The following ENTPD5 variants were observed in gnomAD, a reference collection of about 807,000 sequenced individuals.
ENTPD5 encodes the protein nucleoside diphosphate phosphatase ENTPD5.
ENTPD5 carries 49 observed loss-of-function variants against 60.2 expected under a neutral mutation model. The ratio of observed to expected loss-of-function variants is 0.81; its 90% confidence interval spans 0.65 to 1.03. The LOEUF is 1.03. Among genes scored for constraint, ENTPD5 ranks in the 50% least tolerant of loss-of-function variants. ENTPD5 has a pLI of 0.00. For synonymous variants in ENTPD5, 187 were observed against 185.4 expected (o/e 1.01, Z -0.07); for missense variants, 480 against 507.6 (o/e 0.95, Z 0.52).
downstream of ENTPD5, chr14:73,955,813 C>T (rs754858126): frequency 1.6e-4 from 264 of 1,614,052 alleles, 1 homozygote; most frequent in East Asian, 2.6e-3. Context: ...AGGTGTGGGA[C>T]GCCTGCTCAG....
At chr14:74,016,685 ATAAC>A (rs1310468387) in intron 1 of ENTPD5, among the ~76,000 whole-genome samples, 3 of 152,224 alleles carry the variant, frequency 2.0e-5, no homozygotes, top group Admixed American at 2.0e-4. Context: ...ATAAAGTACT[ATAAC>A]TAAGGTACTA....
chr14:73,958,808 G>T, downstream of ENTPD5: 4 of 1,522,190 alleles, frequency 2.6e-6, no homozygotes, highest in Non-Finnish European at 2.6e-6. Context: ...TGATGTGACA[G>T]TGCAGGGGCT....
intron 5 of ENTPD5, among the ~76,000 whole-genome samples, chr14:73,983,733 A>G (rs1387047572): frequency 6.7e-6 from 1 of 150,196 alleles, no homozygotes; most frequent in Non-Finnish European, 1.5e-5. Context: ...CCCAGGCTGG[A>G]GTGCAGTGGC....
chr14:73,986,907 G>A lies in ENTPD5; in HGVS notation c.218-14C>T. 6.2e-7 allele frequency: 1 copy of A among 1,605,756 alleles called. No homozygotes were observed. Among genetic ancestry groups the A allele is most frequent in the South Asian group, 1.1e-5 (1 of 90,902 alleles). On this transcript the variant is annotated splice_polypyrimidine_tract_variant and intron_variant, in intron 4 of 15. Transcript: ENST00000334696. ...TTGGAAGCTGTCCTATTTTGTCCAT[G>A]GAACAAAACAGAAGAGAGAGCTGGT...
chr14:73,955,773 T>A, downstream of ENTPD5: 1 of 1,614,164 alleles, frequency 6.2e-7, no homozygotes, highest in Non-Finnish European at 8.5e-7. Context: ...TCCCTCTTGG[T>A]TTTAATGCAG....
chr14:73,969,896 C>A, intron 15 of ENTPD5, 114 bp downstream of exon 15: 1 of 764,968 alleles, frequency 1.3e-6, no homozygotes, highest in Non-Finnish European at 2.3e-6. Context: ...ATAGCCCAAA[C>A]AAAAATACCT....
chr14:74,004,435 T>A (rs573319660), intron 3 of ENTPD5, among the ~76,000 whole-genome samples: 13 of 152,302 alleles, frequency 8.5e-5, no homozygotes, highest in African/African-American at 3.1e-4. Flanking sequence ...AGTGCTGAGA[T>A]TACAGGTGTG....
chr14:73,981,861 T>C (rs1372453139), intron 6 of ENTPD5, among the ~76,000 whole-genome samples: 2 of 151,836 alleles, frequency 1.3e-5, no homozygotes, highest in Middle Eastern at 3.4e-3. Flanking sequence ...TCAAAAACTT[T>C]ATGCTGAGAG....
chr14:73,998,991 T>C (rs2058422729), intron 3 of ENTPD5, among the ~76,000 whole-genome samples: 1 of 152,058 alleles, frequency 6.6e-6, no homozygotes, highest in South Asian at 2.1e-4. Context: ...ACGAATCTGG[T>C]AGTTACATGT....
downstream of ENTPD5, among the ~76,000 whole-genome samples, chr14:73,956,998 C>T (rs543978649): frequency 1.3e-5 from 2 of 152,226 alleles, no homozygotes; most frequent in African/African-American, 4.8e-5. Flanking sequence ...TACACCAAAG[C>T]TGTAATTGCA....
rs1189830746 is a variant in ENTPD5, at chr14:73,989,939, T to C, written c.-70-1767A>G. On this transcript the variant is annotated intron_variant, in intron 3 of 15. Coordinates refer to ENST00000334696, the MANE Select transcript of ENTPD5 (RefSeq NM_001249.5). Reference sequence around the variant, plus strand: ...GGAGAACCACTTGAACCTGGGAAGCTAAGGTTCCAGTGAGCAGACATCGCC... The same window carrying C: ...GGAGAACCACTTGAACCTGGGAAGCCAAGGTTCCAGTGAGCAGACATCGCC... 3.3e-5 allele frequency among the ~76,000 whole-genome samples: 5 copies of C among 150,912 alleles called. No homozygotes were observed. The East Asian group carries it at 9.8e-4, about 29-fold the overall frequency.
chr14:73,980,409 G>A (rs62006136), intron 6 of ENTPD5, among the ~76,000 whole-genome samples: 47,715 of 150,952 alleles, frequency 0.32, 9,076 homozygotes, highest in Non-Finnish European at 0.42. Context: ...ACCAACAGGC[G>A]TGAGCCACCA....
At chr14:73,960,823 G>A, downstream of ENTPD5, 1 of 394,940 alleles carries the variant, frequency 2.5e-6, no homozygotes. Context: ...TTATCCTAAT[G>A]AAATAGAGAC....
chr14:73,974,895 C>G (rs2057373665), intron 11 of ENTPD5, 29 bp downstream of exon 11: 13 of 1,492,004 alleles, frequency 8.7e-6, no homozygotes, highest in Non-Finnish European at 1.1e-5. Context: ...CCCTCACCAT[C>G]CCCCCCCAGC....
chr14:73,977,861 T>C (rs2057509010), intron 6 of ENTPD5, among the ~76,000 whole-genome samples: 1 of 152,182 alleles, frequency 6.6e-6, no homozygotes, highest in African/African-American at 2.4e-5. Flanking sequence ...CTAGGGTCTC[T>C]AGAGCATGGG....
chr14:73,975,942 G>A lies in ENTPD5; in HGVS notation c.716C>T (p.Thr239Ile), dbSNP rs1210720706. ...EMFNSTYKLY[T>I]HSYLGFGLKA... ...TCCCTGTCCCCGTCCTCACCTATGT[G>A]TATAGAGCTTATAAGTGCTGTTAAA... Residue 239 changes from threonine (T) to isoleucine (I), a missense_variant, in exon 10 of 16, where the codon ACA (threonine) becomes ATA (isoleucine). By Grantham distance (89) the Thr-to-Ile change is moderately conservative. Coordinates refer to ENST00000334696, the MANE Select transcript of ENTPD5 (RefSeq NM_001249.5). 1.9e-6 allele frequency: 3 copies of A among 1,609,468 alleles called. No individual in the cohort carries two copies. The highest frequency in any genetic ancestry group is 1.1e-5 in the South Asian group (1 of 90,992).
intron 3 of ENTPD5, among the ~76,000 whole-genome samples, chr14:73,992,717 T>C (rs1407116005): frequency 6.8e-6 from 1 of 146,440 alleles, no homozygotes; most frequent in Non-Finnish European, 1.5e-5. Flanking sequence ...TTAAAGTTAA[T>C]TGCAGCTGGG....
chr14:73,958,313 A>G (rs963987226), downstream of ENTPD5: 2 of 1,613,014 alleles, frequency 1.2e-6, no homozygotes, highest in Admixed American at 1.7e-5. Flanking sequence ...GGGGTCTTGT[A>G]TATCTACATC....
rs904116873 is a variant in ENTPD5, at chr14:73,966,764, CTT to C, written c.*162_*163del. 1.0e-5 allele frequency: 6 copies of C among 594,030 alleles called. No individual in the cohort carries two copies. Among genetic ancestry groups the C allele is most frequent in the Non-Finnish European group, 1.8e-5 (6 of 335,558 alleles). The allele number at this position is 594,030 out of a possible 1,614,324, so 36.8% of individuals were successfully genotyped here. On this transcript the variant is annotated 3_prime_UTR_variant, in exon 16 of 16. Transcript: ENST00000334696. ...GATGCTCTGGTGCCAGCTGTGTACTCTTGAGTGGTTAGGCAGCAGTTCACATT... is the reference window on the plus strand; with the variant it reads ...GATGCTCTGGTGCCAGCTGTGTACTCGAGTGGTTAGGCAGCAGTTCACATT...
Sources: allele counts gnomAD v4.1 joint callset (sites outside exome capture counted in the v4.1 genomes callset), GRCh38; gene constraint gnomAD v4.1.1; transcripts MANE v1.5; gene names NCBI Gene and HGNC (gene_info 2026-07-23, HGNC 2026-07-21).